ZPBP: variants seen among roughly 807,000 people sequenced by gnomAD.
ZPBP encodes the protein zona pellucida-binding protein 1.
A neutral mutation model predicts 44.8 loss-of-function variants in ZPBP; 26 were observed. The ratio of observed to expected loss-of-function variants is 0.58; its 90% CI spans 0.43 to 0.81. The LOEUF is 0.81. ZPBP is among the 30% of genes least tolerant of loss of function. ZPBP has a pLI of 0.00. For synonymous variants in ZPBP, 174 were observed against 153.2 expected, an observed-to-expected ratio of 1.14 and a Z score of -1.00; for missense variants, 409 against 434.0, an observed-to-expected ratio of 0.94 and a Z score of 0.51.
intron 3 of ZPBP, among the ~76,000 whole-genome samples, chr7:50,069,381 C>A (rs1254334715): frequency 2.6e-5 from 4 of 152,128 alleles, no homozygotes; most frequent in African/African-American, 7.2e-5. Flanking sequence ...AACTCTGTAG[C>A]TGCCAGCACA....
intron 3 of ZPBP, among the ~76,000 whole-genome samples, chr7:50,070,939 C>T (rs1265598526): frequency 2.0e-5 from 3 of 152,166 alleles, no homozygotes; most frequent in Non-Finnish European, 4.4e-5. Flanking sequence ...AGAGATAAGG[C>T]TCACTAGCCA....
At chr7:50,041,231 C>G (rs1800080271) in intron 4 of ZPBP, among the ~76,000 whole-genome samples, 1 of 152,214 alleles carries the variant, frequency 6.6e-6, no homozygotes, top group East Asian at 1.9e-4. Context: ...GCGGGTGCAG[C>G]TTCAGCAGGC....
At chr7:49,844,830 T>G in the ZPBP span, among the ~76,000 whole-genome samples, 2 of 152,064 alleles carry the variant, frequency 1.3e-5, no homozygotes, top group Admixed American at 1.3e-4. Flanking sequence ...GTAGCTGAGA[T>G]TACAGGTGCC....
At chr7:49,949,838 T>C (rs1468882130) in intron 7 of ZPBP, among the ~76,000 whole-genome samples, 1 of 152,002 alleles carries the variant, frequency 6.6e-6, no homozygotes, top group African/African-American at 2.4e-5. Flanking sequence ...ATATACACAT[T>C]CATATATTTA....
At chr7:50,063,263 T>C (rs1801337619) in intron 3 of ZPBP, among the ~76,000 whole-genome samples, 1 of 152,178 alleles carries the variant, frequency 6.6e-6, no homozygotes, top group African/African-American at 2.4e-5. Flanking sequence ...CAGGGGGAAT[T>C]GGGTTTTCTT....
At chr7:50,000,069 A>G (rs1167489655) in intron 6 of ZPBP, among the ~76,000 whole-genome samples, 1 of 152,186 alleles carries the variant, frequency 6.6e-6, no homozygotes, top group African/African-American at 2.4e-5. Flanking sequence ...AAGTGGTAAA[A>G]TATCTATACC....
chr7:50,068,392 G>C (rs1318834061), intron 3 of ZPBP, among the ~76,000 whole-genome samples: 1 of 150,492 alleles, frequency 6.6e-6, no homozygotes, highest in Non-Finnish European at 1.5e-5. Context: ...GGTGCAGGGG[G>C]TCTTGGGTTT....
At chr7:49,893,389 A>G (rs927841826) in intron 2 of ZPBP, among the ~76,000 whole-genome samples, 3 of 152,234 alleles carry the variant, frequency 2.0e-5, no homozygotes, top group Non-Finnish European at 2.9e-5. Context: ...ATAGTTTTCA[A>G]GCTGGCAGGC....
intron 6 of ZPBP, among the ~76,000 whole-genome samples, chr7:50,011,976 AG>A (rs1357443783): frequency 2.6e-5 from 4 of 151,722 alleles, no homozygotes; most frequent in Non-Finnish European, 4.4e-5. Flanking sequence ...AGTTGCAGTG[AG>A]CCAAGACTGC....
intron 2 of ZPBP, among the ~76,000 whole-genome samples, chr7:49,873,779 G>A (rs1791279671): frequency 1.3e-5 from 2 of 151,908 alleles, no homozygotes; most frequent in African/African-American, 4.8e-5. Context: ...ATACAAAATA[G>A]AAACAGGCTG....
At chr7:50,017,627 G>T (rs1192528994) in intron 6 of ZPBP, among the ~76,000 whole-genome samples, 1 of 152,022 alleles carries the variant, frequency 6.6e-6, no homozygotes, top group Non-Finnish European at 1.5e-5. Context: ...ACCTTTAGTA[G>T]AAACACTTTA....
intron 1 of ZPBP, among the ~76,000 whole-genome samples, chr7:49,923,882 G>A (rs1386454577): frequency 6.6e-6 from 1 of 152,136 alleles, no homozygotes; most frequent in Non-Finnish European, 1.5e-5. Flanking sequence ...CCAGCACTTT[G>A]GGAGGCCAAG....
At chr7:50,018,784 G>C (rs1476580673) in intron 5 of ZPBP, among the ~76,000 whole-genome samples, 1 of 151,914 alleles carries the variant, frequency 6.6e-6, no homozygotes, top group African/African-American at 2.4e-5. Flanking sequence ...GATTTTAGTA[G>C]GGGCCATGGT....
At chr7:50,042,104 C>G (rs1408861219) in intron 4 of ZPBP, among the ~76,000 whole-genome samples, 1 of 151,976 alleles carries the variant, frequency 6.6e-6, no homozygotes, top group Non-Finnish European at 1.5e-5. Flanking sequence ...TGAAATAAAG[C>G]ATGAAGACAA....
intron 2 of ZPBP, among the ~76,000 whole-genome samples, chr7:49,884,127 T>G (rs897717395): frequency 2.6e-5 from 4 of 152,198 alleles, no homozygotes; most frequent in Non-Finnish European, 4.4e-5. Context: ...AAGGGGTTCC[T>G]GCAGTGGCCC....
chr7:49,963,282 G>A (rs1054066176), intron 7 of ZPBP, among the ~76,000 whole-genome samples: 9 of 151,664 alleles, frequency 5.9e-5, no homozygotes, highest in African/African-American at 2.2e-4. Flanking sequence ...ATACATTGCT[G>A]GTGGGTGTGT....
chr7:49,986,265 T>A (rs143960323), intron 6 of ZPBP, among the ~76,000 whole-genome samples: 226 of 152,280 alleles, frequency 1.5e-3, no homozygotes, highest in African/African-American at 4.9e-3. Context: ...GTCAGGAATG[T>A]CAACCTTGGT....
chr7:49,877,507 T>TATATATATATATATAG (rs1349966764), intron 2 of ZPBP, among the ~76,000 whole-genome samples: 13 of 90,308 alleles, frequency 1.4e-4, no homozygotes, highest in Middle Eastern at 5.1e-3. Context: ...TATATATATA[T>TATATATATATATATAG]ATATATATAT....
chr7:49,925,788 A>C (rs770311035), intron 1 of ZPBP, among the ~76,000 whole-genome samples: 1 of 152,094 alleles, frequency 6.6e-6, no homozygotes, highest in Non-Finnish European at 1.5e-5. Flanking sequence ...AATTACACAT[A>C]TTCTCCCCTC....
Sources: allele counts gnomAD v4.1 joint callset (sites outside exome capture counted in the v4.1 genomes callset), GRCh38; gene constraint gnomAD v4.1.1; transcripts MANE v1.5; gene names NCBI Gene and HGNC (gene_info 2026-07-23, HGNC 2026-07-21).